OSMR: variants seen among roughly 807,000 people sequenced by gnomAD.
OSMR encodes the protein oncostatin M receptor.
Under a neutral mutation model 99.9 loss-of-function variants are expected in OSMR, and 81 were observed. The ratio of observed to expected loss-of-function variants is 0.81; its 90% confidence interval spans 0.68 to 0.97. The LOEUF (loss-of-function observed/expected upper bound fraction) is 0.97. Among genes scored for constraint, OSMR ranks in the 50% least tolerant of loss-of-function variants. The pLI, the probability that OSMR is intolerant of heterozygous loss-of-function variation, is 0.00. For missense variants in OSMR, 1,099 were observed against 1,153.4 expected (o/e 0.95, Z 0.68); for synonymous variants, 406 against 410.4 (o/e 0.99, Z 0.13).
chr5:38,855,889 T>A (rs1740801549), intron 1 of OSMR, among the ~76,000 whole-genome samples: 1 of 152,116 alleles, frequency 6.6e-6, no homozygotes, highest in Non-Finnish European at 1.5e-5. Context: ...TTTCTTCCCA[T>A]ATTTTGCCTG....
intron 1 of OSMR, among the ~76,000 whole-genome samples, chr5:38,857,661 A>G (rs1740959893): frequency 6.6e-6 from 1 of 151,800 alleles, no homozygotes; most frequent in Non-Finnish European, 1.5e-5. Context: ...TCTTCTAGCT[A>G]TCTTTTTATT....
intron 9 of OSMR, among the ~76,000 whole-genome samples, chr5:38,909,325 C>A (rs10473120): frequency 0.17 from 25,588 of 152,148 alleles, 2,321 homozygotes; most frequent in Middle Eastern, 0.25. Context: ...ATTTCCCCAG[C>A]CTCACTGGAG....
rs1340028815 is a variant in OSMR, at chr5:38,921,775, A to G, written c.1746A>G (p.Thr582=). ...GGAAGAATGTAGGTCCCAATACCAC[A>G]AGCACAGTCATTAGCACAGGTAAGA... is the stretch of plus-strand genomic sequence containing the variant. ...FQWKNVGPNT[T]STVISTDAFR... The change falls in exon 12 of 18, where the codon ACA becomes ACG. Residue 582 remains threonine, a synonymous_variant. Transcript: ENST00000274276. 2 of 1,613,970 alleles carry G rather than the reference A, an allele frequency of 1.2e-6. No homozygotes were observed. The highest frequency in any genetic ancestry group is 1.7e-6 in the Non-Finnish European group (2 of 1,179,840).
At chr5:38,864,268 C>T (rs554425707) in intron 1 of OSMR, among the ~76,000 whole-genome samples, 1 of 152,064 alleles carries the variant, frequency 6.6e-6, no homozygotes, top group African/African-American at 2.4e-5. Context: ...TATTGTTCAT[C>T]ATTGCAGTTT....
rs573292250 is a variant in OSMR at position 38,898,729 on chromosome 5, G to C, written c.992-5153G>C. Among the ~76,000 whole-genome samples, 6 of 151,602 alleles carry C rather than the reference G, an allele frequency of 4.0e-5. No homozygotes were observed. The East Asian group carries it at 1.2e-3, about 29-fold the overall frequency. ...TAGTGCAGGTGATTTTTCTCTGGTG[G>C]TATGATTTAATTTTCTGCTTTTTCC... On this transcript the variant is annotated intron_variant, in intron 7 of 17. Coordinates refer to ENST00000274276, the MANE Select transcript of OSMR (RefSeq NM_003999.3).
At chr5:38,936,433 C>G (rs189959229), downstream of OSMR, among the ~76,000 whole-genome samples, 11 of 152,260 alleles carry the variant, frequency 7.2e-5, no homozygotes, top group East Asian at 2.1e-3. Context: ...GCCTTTACAT[C>G]CTGCGTCAGC....
intron 7 of OSMR, among the ~76,000 whole-genome samples, chr5:38,899,099 G>A (rs780130893): frequency 4.6e-5 from 7 of 151,800 alleles, no homozygotes; most frequent in Non-Finnish European, 8.8e-5. Context: ...AGCAGGAATT[G>A]CAGGCACCTG....
intron 1 of OSMR, among the ~76,000 whole-genome samples, chr5:38,852,470 C>T (rs9292723): frequency 0.25 from 38,695 of 151,942 alleles, 5,244 homozygotes; most frequent in South Asian, 0.43. Context: ...GTATTAAGAC[C>T]TTTTTAAACG....
At chr5:38,859,733 T>G (rs1031827030) in intron 1 of OSMR, among the ~76,000 whole-genome samples, 1 of 139,040 alleles carries the variant, frequency 7.2e-6, no homozygotes, top group East Asian at 2.1e-4. Flanking sequence ...TTTATGAGAA[T>G]GTATTTGTTT....
intron 1 of OSMR, among the ~76,000 whole-genome samples, chr5:38,864,902 GTCATGTAGGCATTCTTCCT>G (rs943877410): frequency 1.3e-5 from 2 of 152,184 alleles, no homozygotes; most frequent in Non-Finnish European, 2.9e-5. Context: ...TGTCCCATAT[GTCATGTAGGCATTCTTCCT>G]TCATTTAAGT....
At chr5:38,913,262 C>G in intron 9 of OSMR, among the ~76,000 whole-genome samples, 1 of 151,886 alleles carries the variant, frequency 6.6e-6, no homozygotes, top group Admixed American at 6.6e-5. Flanking sequence ...AAAAAGTGGG[C>G]AAAAGGGCCA....
At chr5:38,917,467 T>A in intron 9 of OSMR, 79 bp from the exon 10 acceptor site, 1 of 1,582,750 alleles carries the variant, frequency 6.3e-7, no homozygotes. Context: ...GTCATGTCCT[T>A]GACCGTCCTA....
rs757749309 is a variant in OSMR at position 38,924,483 on chromosome 5, T to C, written c.1932T>C (p.Ser644=). The C allele has an allele frequency of 1.9e-6, 3 of 1,613,920 alleles. No individual in the cohort carries two copies. The Admixed American group carries it at 5.0e-5, about 27-fold the overall frequency. Residue 644 remains serine (S), a synonymous_variant, in exon 14 of 18, where the codon AGT becomes AGC. Coordinates refer to ENST00000274276, the MANE Select transcript of OSMR (RefSeq NM_003999.3). The stretch of plus-strand genomic sequence containing the variant: ...TGACATCCCACTCCTTCACTCTGAG[T>C]TGGAAAGATTACTCTACTGAATCTC... The part of the protein sequence containing the change: ...DTLTSHSFTL[S]WKDYSTESQP...
chr5:38,907,019 A>G (rs1344211448), intron 9 of OSMR, among the ~76,000 whole-genome samples: 2 of 152,224 alleles, frequency 1.3e-5, no homozygotes, highest in Non-Finnish European at 2.9e-5. Context: ...CAGAAATCAT[A>G]TTTAAAAAAT....
chr5:38,853,824 A>G (rs559459525), intron 1 of OSMR, among the ~76,000 whole-genome samples: 137 of 152,306 alleles, frequency 9.0e-4, no homozygotes, highest in African/African-American at 3.2e-3. Context: ...ACACTGGTGG[A>G]AACACTTAAC....
chr5:38,871,134 C>A (rs1742356071), intron 2 of OSMR, among the ~76,000 whole-genome samples: 1 of 152,144 alleles, frequency 6.6e-6, no homozygotes, highest in East Asian at 1.9e-4. Context: ...AAATGGGGTA[C>A]TCGGTTACAC....
chr5:38,903,922 A>T lies in OSMR; in HGVS notation c.1032A>T (p.Val344=), dbSNP rs1476721486. The change falls in exon 8 of 18, where the codon GTA becomes GTT. Residue 344 remains valine (V), a synonymous_variant. Coordinates refer to ENST00000274276, the MANE Select transcript of OSMR (RefSeq NM_003999.3). ...MNPFSVNFEN[V]NATNAIMTWK... is the part of the protein sequence containing the mutation. ...CTTTTAGTGTCAACTTTGAAAATGTAAATGCCACAAATGCCATCATGACCT... is the reference window on the plus strand; with the variant it reads ...CTTTTAGTGTCAACTTTGAAAATGTTAATGCCACAAATGCCATCATGACCT... 6.2e-7 allele frequency: 1 copy of T among 1,613,418 alleles called. No individual in the cohort carries two copies. Among genetic ancestry groups the T allele is most frequent in the Non-Finnish European group, 8.5e-7 (1 of 1,179,872 alleles).
intron 9 of OSMR, among the ~76,000 whole-genome samples, chr5:38,910,854 AC>A (rs1235754148): frequency 6.6e-6 from 1 of 152,122 alleles, no homozygotes; most frequent in African/African-American, 2.4e-5. Flanking sequence ...ACTAAAAAAT[AC>A]AAAAATTAGC....
At chr5:38,936,824 AG>A (rs1183560321), downstream of OSMR, among the ~76,000 whole-genome samples, 1 of 152,262 alleles carries the variant, frequency 6.6e-6, no homozygotes, top group African/African-American at 2.4e-5. Context: ...TCAATTTGAA[AG>A]CATAGTTGTT....
Sources: allele counts gnomAD v4.1 joint callset (sites outside exome capture counted in the v4.1 genomes callset), GRCh38; gene constraint gnomAD v4.1.1; transcripts MANE v1.5; gene names NCBI Gene and HGNC (gene_info 2026-07-23, HGNC 2026-07-21).